The following KCTD9 variants were observed in gnomAD, a reference collection of about 807,000 sequenced individuals.
The protein encoded by KCTD9 is BTB/POZ domain-containing protein KCTD9.
A neutral mutation model predicts 53.3 loss-of-function variants in KCTD9; 17 were observed. The observed-to-expected ratio is 0.32, with a 90% CI of 0.22 to 0.48. KCTD9 has a LOEUF of 0.48. Among genes scored for constraint, KCTD9 ranks in the 20% least tolerant of loss-of-function variants. The pLI is 0.99. For missense variants in KCTD9, 179 were observed against 465.5 expected (o/e 0.38, Z 5.66); for synonymous variants, 128 against 162.7 (o/e 0.79, Z 1.62).
chr8:25,456,207 T>C (rs1227938465), intron 1 of KCTD9, among the ~76,000 whole-genome samples: 9 of 152,224 alleles, frequency 5.9e-5, no homozygotes, highest in African/African-American at 2.2e-4. Context: ...ATTATTCTTA[T>C]AACCAGGAAA....
intron 9 of KCTD9, among the ~76,000 whole-genome samples, chr8:25,434,259 C>A (rs1018779100): frequency 2.4e-4 from 37 of 152,192 alleles, no homozygotes; most frequent in African/African-American, 7.7e-4. Context: ...ACCACCACGC[C>A]TGGCTAATTT....
At chr8:25,437,022 G>C (rs1213071413) in intron 6 of KCTD9, among the ~76,000 whole-genome samples, 2 of 152,162 alleles carry the variant, frequency 1.3e-5, no homozygotes, top group African/African-American at 4.8e-5. Flanking sequence ...GCTAATAAGG[G>C]TAAGTAGATA....
intron 6 of KCTD9, 67 bp from the exon 7 acceptor site, chr8:25,436,552 A>T: frequency 1.1e-6 from 1 of 940,678 alleles, no homozygotes; most frequent in Non-Finnish European, 1.6e-6. Flanking sequence ...TTTTGAATTT[A>T]CTAAAATACG....
chr8:25,452,914 C>T lies in KCTD9; in HGVS notation c.48+5285G>A, dbSNP rs73549284. Among the ~76,000 whole-genome samples, 726 of 152,168 alleles carry T rather than the reference C, an allele frequency of 4.8e-3. 8 individuals are homozygous for T. Among genetic ancestry groups the T allele is most frequent in the African/African-American group, 0.017 (687 of 41,516 alleles). On this transcript the variant is annotated intron_variant, in intron 1 of 11. Transcript: ENST00000221200. ...TGGCATGATGGCTCATGCCTGTAGTCGCAGCACCTTGGGAGACTGAGGAAG... is the reference window on the plus strand; with the variant it reads ...TGGCATGATGGCTCATGCCTGTAGTTGCAGCACCTTGGGAGACTGAGGAAG...
intron 6 of KCTD9, among the ~76,000 whole-genome samples, chr8:25,436,963 A>G (rs1802028612): frequency 6.6e-6 from 1 of 152,206 alleles, no homozygotes; most frequent in African/African-American, 2.4e-5. Context: ...AGAACTCTGG[A>G]ATTACAAAGA....
chr8:25,452,671 G>A (rs1802349906), intron 1 of KCTD9, among the ~76,000 whole-genome samples: 1 of 152,148 alleles, frequency 6.6e-6, no homozygotes, highest in Non-Finnish European at 1.5e-5. Context: ...TTGCTGCTGT[G>A]TGCCAGGATA....
At chr8:25,457,976 G>A (rs1055700195) in intron 1 of KCTD9, among the ~76,000 whole-genome samples, 1 of 151,292 alleles carries the variant, frequency 6.6e-6, no homozygotes, top group Non-Finnish European at 1.5e-5. Flanking sequence ...AACCGCGCCG[G>A]CCCCCAGGCA....
chr8:25,449,837 A>AAG (rs1802285494), intron 1 of KCTD9, among the ~76,000 whole-genome samples: 1 of 134,334 alleles, frequency 7.4e-6, no homozygotes, highest in Non-Finnish European at 1.6e-5. Context: ...AAAAATGAAG[A>AAG]AAAAAAAACA....
rs967496118 is a variant in KCTD9, at chr8:25,435,587, C to CA, written c.664-76dup. ...ATTAAATTTAATTACTATAGCTAAC[C>CA]ACCAAGTTTTTTTTAGAAGCAATTG... On this transcript the variant is annotated intron_variant, in intron 8 of 11. Transcript: ENST00000221200. The CA allele has an allele frequency of 1.4e-4, 193 of 1,377,450 alleles. 1 individual carries two copies. Among genetic ancestry groups the CA allele is most frequent in the Admixed American group, 1.8e-4 (7 of 38,018 alleles). The allele number at this position is 1,377,450 out of a possible 1,614,324, so 85.3% of individuals were successfully genotyped here. A position where few individuals can be genotyped will look rare whatever the true frequency, so the allele number is the denominator to read the frequency against.
intron 4 of KCTD9, among the ~76,000 whole-genome samples, chr8:25,440,081 A>T (rs1802090882): frequency 6.8e-6 from 1 of 146,684 alleles, no homozygotes. Flanking sequence ...TTTTTTGAGA[A>T]GGAGTCTCAC....
At position 25,439,456 on chromosome 8, in the gene KCTD9, G is replaced by C. The variant is rs377654990; in HGVS notation, c.371-49C>G. On this transcript the variant is annotated intron_variant, in intron 5 of 11. Coordinates refer to ENST00000221200, the MANE Select transcript of KCTD9 (RefSeq NM_017634.4). The stretch of plus-strand genomic sequence containing the variant: ...AAGTCCCCCATAAACAAAAAATAAA[G>C]TCAGAAATGTATGAGGAAAAAATTG... 2.6e-4 allele frequency: 410 copies of C among 1,572,572 alleles called. 2 individuals carry two copies. The highest frequency in any genetic ancestry group is 6.6e-5 in the Non-Finnish European group (77 of 1,161,796).
chr8:25,439,796 G>A, intron 4 of KCTD9, 132 bp from the exon 5 acceptor site: 1 of 1,493,066 alleles, frequency 6.7e-7, no homozygotes. Flanking sequence ...AGTAACGCTG[G>A]GAAACAAAAA....
At chr8:25,443,549 T>C (rs1302173267) in intron 3 of KCTD9, among the ~76,000 whole-genome samples, 1 of 152,178 alleles carries the variant, frequency 6.6e-6, no homozygotes, top group Non-Finnish European at 1.5e-5. Context: ...TGCCAGTCAC[T>C]GTTAGGCCAA....
At chr8:25,448,643 G>A (rs543743685) in intron 1 of KCTD9, among the ~76,000 whole-genome samples, 14 of 152,282 alleles carry the variant, frequency 9.2e-5, no homozygotes, top group Admixed American at 5.2e-4. Flanking sequence ...GGCTGGGCGC[G>A]GTGGCTCACG....
rs539804908 is a variant in KCTD9, at chr8:25,429,680, G to GA, written c.*176dup. The GA allele has an allele frequency of 2.7e-5, 14 of 525,178 alleles. No individual in the cohort carries two copies. Among genetic ancestry groups the GA allele is most frequent in the South Asian group, 1.6e-4 (7 of 43,364 alleles). The allele number at this position is 525,178 out of a possible 1,614,324, so 32.5% of individuals were successfully genotyped here. The stretch of plus-strand genomic sequence containing the variant: ...CTTTTCTGTTAAAAATCAGAATATG[G>GA]AAAAAAAGTCAGTTTTTTCCCTTAT... On this transcript the variant is annotated 3_prime_UTR_variant, in exon 12 of 12. Coordinates refer to ENST00000221200, the MANE Select transcript of KCTD9 (RefSeq NM_017634.4).
At chr8:25,455,000 T>G (rs1450313249) in intron 1 of KCTD9, among the ~76,000 whole-genome samples, 1 of 152,006 alleles carries the variant, frequency 6.6e-6, no homozygotes, top group Non-Finnish European at 1.5e-5. Context: ...CCAAGGCAGG[T>G]GGATCACATG....
intron 4 of KCTD9, among the ~76,000 whole-genome samples, chr8:25,440,313 C>T (rs1802097042): frequency 6.6e-6 from 1 of 152,076 alleles, no homozygotes; most frequent in African/African-American, 2.4e-5. Flanking sequence ...CCGCCTCGGC[C>T]TCCCAAAGTG....
chr8:25,433,573 C>T (rs1801965953), intron 9 of KCTD9, 138 bp from the exon 10 acceptor site: 2 of 441,522 alleles, frequency 4.5e-6, no homozygotes, highest in South Asian at 7.3e-5. Context: ...TTTCTGTTTA[C>T]AATAAAGGCT....
chr8:25,449,837 A>G (rs76289577), intron 1 of KCTD9, among the ~76,000 whole-genome samples: 13 of 134,430 alleles, frequency 9.7e-5, no homozygotes, highest in Admixed American at 8.6e-4. Context: ...AAAAATGAAG[A>G]AAAAAAAACA....
Sources: gnomAD v4.1 joint callset for allele counts (sites outside exome capture counted in the v4.1 genomes callset) on GRCh38, gnomAD v4.1.1 for gene constraint, MANE v1.5 for transcripts, NCBI Gene and HGNC (gene_info 2026-07-23, HGNC 2026-07-21) for gene names.